The following HIF1AN variants were observed in gnomAD, a reference collection of about 807,000 sequenced individuals.
HIF1AN encodes hypoxia-inducible factor 1-alpha inhibitor.
Under a neutral mutation model 47.7 loss-of-function variants are expected in HIF1AN, and 21 were observed. The observed-to-expected ratio is 0.44, with a 90% CI of 0.31 to 0.63. The LOEUF (loss-of-function observed/expected upper bound fraction) is 0.63. Ranked by LOEUF, HIF1AN falls within the 30% of genes least tolerant of loss-of-function variation. The probability of loss-of-function intolerance (pLI) is 0.07; values close to 1 mark genes in which losing one functional copy is unlikely to be tolerated. For synonymous variants in HIF1AN, 152 were observed against 155.9 expected, an observed-to-expected ratio of 0.98 and a Z score of 0.18; for missense variants, 320 against 432.7, an observed-to-expected ratio of 0.74 and a Z score of 2.31.
chr10:100,540,925 A>G (rs370951744), intron 3 of HIF1AN, 143 bp downstream of exon 3: 1 of 808,308 alleles, frequency 1.2e-6, no homozygotes, highest in Non-Finnish European at 1.8e-6. Context: ...TAAAAGAAAC[A>G]TAATAGGGGC....
chr10:100,543,190 T>C (rs557152447), intron 3 of HIF1AN, among the ~76,000 whole-genome samples: 4 of 150,790 alleles, frequency 2.7e-5, no homozygotes, highest in Non-Finnish European at 5.9e-5. Flanking sequence ...TTTTTTGTTT[T>C]TGTTTTTGTT....
At chr10:100,538,879 G>A (rs1207197259) in intron 2 of HIF1AN, among the ~76,000 whole-genome samples, 2 of 149,296 alleles carry the variant, frequency 1.3e-5, no homozygotes, top group Non-Finnish European at 3.0e-5. Flanking sequence ...ATTCTAGGCA[G>A]TGAGATGAGA....
At position 100,546,577 on chromosome 10, in the gene HIF1AN, A is replaced by T; in HGVS notation, c.890A>T (p.Tyr297Phe). The change falls in exon 6 of 8, where the codon TAT becomes TTT. Residue 297 changes from tyrosine (Y) to phenylalanine (F), a missense_variant. Coordinates refer to ENST00000299163, the MANE Select transcript of HIF1AN (RefSeq NM_017902.3). ...ATTACCATCACTGTGAACTTCTGGT[A>T]TAAGGTGAATATGGTTTGCTTTTTT... is the stretch of plus-strand genomic sequence containing the variant. Reference protein sequence around the residue: ...GGITITVNFWYKGAPTPKRIE... With the variant: ...GGITITVNFWFKGAPTPKRIE... The T allele has an allele frequency of 1.2e-6, 2 of 1,613,152 alleles. No homozygotes were observed. The highest frequency in any genetic ancestry group is 1.7e-6 in the Non-Finnish European group (2 of 1,179,310).
chr10:100,545,569 G>T, intron 4 of HIF1AN: 1 of 211,132 alleles, frequency 4.7e-6, no homozygotes, highest in Non-Finnish European at 9.3e-6. Flanking sequence ...TCTTCAGAAA[G>T]CTGTCTAGCT....
chr10:100,547,292 A>G, intron 7 of HIF1AN, 42 bp downstream of exon 7: 1 of 1,233,860 alleles, frequency 8.1e-7, no homozygotes, highest in Non-Finnish European at 1.2e-6. Context: ...TGGGTTGACC[A>G]AGGAAAGTCA....
chr10:100,547,858 G>C (rs1843109063), intron 7 of HIF1AN, among the ~76,000 whole-genome samples: 1 of 143,406 alleles, frequency 7.0e-6, no homozygotes, highest in Admixed American at 6.8e-5. Flanking sequence ...ATTACGGTAA[G>C]AGACGGTGTT....
At chr10:100,537,401 T>G (rs961179790) in intron 2 of HIF1AN, among the ~76,000 whole-genome samples, 3 of 152,240 alleles carry the variant, frequency 2.0e-5, no homozygotes, top group Non-Finnish European at 4.4e-5. Context: ...GCTCTGAAAA[T>G]GCCTGTTTGT....
In HIF1AN at chr10:100,550,607, A is replaced by G. The variant is rs1350847396; in HGVS notation, c.*2470A>G. ...CAGACCCAGCCCAAGATGGTGCAGAATATACAGCTCAGGGTGAAAGTTCTT... is the reference window on the plus strand; with the variant it reads ...CAGACCCAGCCCAAGATGGTGCAGAGTATACAGCTCAGGGTGAAAGTTCTT... On this transcript the variant is annotated 3_prime_UTR_variant, in exon 8 of 8. Coordinates refer to ENST00000299163, the MANE Select transcript of HIF1AN (RefSeq NM_017902.3). 6.6e-6 allele frequency: 1 copy of G among 152,260 alleles called. No individual in the cohort carries two copies. The highest frequency in any genetic ancestry group is 1.5e-5 in the Non-Finnish European group (1 of 68,064). 9.4% of individuals were successfully genotyped at this position (152,260 alleles called of 1,614,324 possible).
rs1262535746 is a variant in HIF1AN, at chr10:100,558,509, AT to A, written c.*10376del. 9 of 152,196 alleles carry A rather than the reference AT, an allele frequency of 5.9e-5. No individual in the cohort carries two copies. The highest frequency in any genetic ancestry group is 5.9e-4 in the Admixed American group (9 of 15,276). The allele number at this position is 152,196 out of a possible 1,614,324, so 9.4% of individuals were successfully genotyped here. The stretch of plus-strand genomic sequence containing the variant: ...GCAGAAATCATCAAGATGAGAAGAC[AT>A]TTTGTGTTTTGACAGCCAAGGAAAT... On this transcript the variant is annotated 3_prime_UTR_variant, in exon 8 of 8. Coordinates refer to ENST00000299163, the MANE Select transcript of HIF1AN (RefSeq NM_017902.3).
chr10:100,545,363 T>G (rs1397904110), intron 4 of HIF1AN: 2 of 404,142 alleles, frequency 4.9e-6, no homozygotes, highest in Non-Finnish European at 4.4e-6. Context: ...CTGGTTACTC[T>G]GTTTGATTGG....
chr10:100,546,537 T>C lies in HIF1AN; in HGVS notation c.850T>C (p.Leu284=), dbSNP rs1218806875. 1 of 1,592,972 alleles carries C rather than the reference T, an allele frequency of 6.3e-7. No individual in the cohort carries two copies. The highest frequency in any genetic ancestry group is 2.3e-5 in the East Asian group (1 of 43,454). ...TTGCAGGTGGCATCACATAGAGTCA[T>C]TACTAAATGGGGGGATTACCATCAC... is the stretch of plus-strand genomic sequence containing the variant. ...PMYWWHHIES[L]LNGGITITVN... Residue 284 remains leucine (L), a synonymous_variant, in exon 6 of 8, where the codon TTA becomes CTA. Coordinates refer to ENST00000299163, the MANE Select transcript of HIF1AN (RefSeq NM_017902.3).
At position 100,554,052 on chromosome 10, in the gene HIF1AN, A is replaced by G. The variant is rs1843192198; in HGVS notation, c.*5915A>G. The G allele has an allele frequency of 6.6e-6, 1 of 152,202 alleles. No individual in the cohort carries two copies. The highest frequency in any genetic ancestry group is 1.5e-5 in the Non-Finnish European group (1 of 68,028). 9.4% of individuals were successfully genotyped at this position (152,202 alleles called of 1,614,324 possible). A position where few individuals can be genotyped will look rare whatever the true frequency, so the allele number is the denominator to read the frequency against. ...AGATAAACCATATTGAGTTGAGGGT[A>G]GACAGAAGAGTCTAGTACCTAAACT... On this transcript the variant is annotated 3_prime_UTR_variant, in exon 8 of 8. Transcript: ENST00000299163.
At chr10:100,547,323 A>G in intron 7 of HIF1AN, 73 bp downstream of exon 7, 1 of 875,104 alleles carries the variant, frequency 1.1e-6, no homozygotes, top group Admixed American at 1.9e-5. Context: ...GACATTCTTT[A>G]CAGCTTCTGT....
In HIF1AN at chr10:100,559,457, G is replaced by A. The variant is rs995158470; in HGVS notation, c.*11320G>A. 4 of 152,084 alleles carry A rather than the reference G, an allele frequency of 2.6e-5. No individual in the cohort carries two copies. The highest frequency in any genetic ancestry group is 4.4e-5 in the Non-Finnish European group (3 of 68,018). The allele number at this position is 152,084 out of a possible 1,614,324, so 9.4% of individuals were successfully genotyped here. On this transcript the variant is annotated 3_prime_UTR_variant, in exon 8 of 8. Transcript: ENST00000299163. ...TTTCTGAGACAGGGCATTGCTTTTC[G>A]ACGCAGGCTGGAGTGCAGTGGGGCA... is the stretch of plus-strand genomic sequence containing the variant.
At chr10:100,541,637 C>A (rs1370418108) in intron 3 of HIF1AN, among the ~76,000 whole-genome samples, 2 of 152,098 alleles carry the variant, frequency 1.3e-5, no homozygotes, top group Non-Finnish European at 2.9e-5. Context: ...GTAGCTGACA[C>A]TACAGGCGTG....
chr10:100,543,851 G>A (rs552016792), intron 3 of HIF1AN, among the ~76,000 whole-genome samples: 22 of 152,310 alleles, frequency 1.4e-4, no homozygotes, highest in South Asian at 8.3e-4. Context: ...CATTACAGGC[G>A]TGAGCCGCTG....
In HIF1AN at chr10:100,540,630, A is replaced by G. The variant is rs752540328; in HGVS notation, c.429-4A>G. The G allele has an allele frequency of 6.2e-6, 10 of 1,613,630 alleles. No individual in the cohort carries two copies. Among genetic ancestry groups the G allele is most frequent in the Non-Finnish European group, 8.5e-6 (10 of 1,179,866 alleles). On this transcript the variant is annotated splice_region_variant and splice_polypyrimidine_tract_variant and intron_variant, in intron 2 of 7. Transcript: ENST00000299163. ...TAATAGGATTTTCTTCTTGGGGAAC[A>G]TAGGTTGTATCTGCAGCAAACGCTC...
chr10:100,536,464 C>G lies in HIF1AN; in HGVS notation c.231C>G (p.Asp77Glu). The G allele has an allele frequency of 6.2e-7, 1 of 1,614,020 alleles. No homozygotes were observed. Among genetic ancestry groups the G allele is most frequent in the Non-Finnish European group, 8.5e-7 (1 of 1,179,978 alleles). Residue 77 changes from aspartate to glutamate, a missense_variant, in exon 2 of 8, where the codon GAC (aspartate) becomes GAG (glutamate). By Grantham distance (45) the Asp-to-Glu change is conservative (BLOSUM62 2). This residue lies in a region of HIF1AN where 159 missense variants were observed against 159.9 expected (regional missense o/e 0.99). Coordinates refer to ENST00000299163, the MANE Select transcript of HIF1AN (RefSeq NM_017902.3). ...TNLVYPALKW[D>E]LEYLQENIGN... ...TTGTGTATCCTGCCCTGAAATGGGA[C>G]CTTGAATACCTGCAAGAGAATATTG...
At position 100,536,108 on chromosome 10, in the gene HIF1AN, C is replaced by A. The variant is rs1449454449; in HGVS notation, c.150C>A (p.Pro50=). 2 of 1,606,676 alleles carry A rather than the reference C, an allele frequency of 1.2e-6. No individual in the cohort carries two copies. The highest frequency in any genetic ancestry group is 2.7e-5 in the African/African-American group (2 of 74,578). ...RPIPRLSQSD[P]RAEELIENEE... is the part of the protein sequence containing the mutation. ...TTCCGCGTCTGAGTCAGAGCGACCC[C>A]CGGGCAGAGGAGCTTATTGAGAATG... Residue 50 remains proline (P), a synonymous_variant, in exon 1 of 8, where the codon CCC becomes CCA. Coordinates refer to ENST00000299163, the MANE Select transcript of HIF1AN (RefSeq NM_017902.3).
Sources: allele counts gnomAD v4.1 joint callset (sites outside exome capture counted in the v4.1 genomes callset), GRCh38; gene constraint gnomAD v4.1.1; regional missense constraint gnomAD v4.1.1; transcripts MANE v1.5; gene names NCBI Gene and HGNC (gene_info 2026-07-23, HGNC 2026-07-21).